EGF: variants seen among roughly 807,000 people sequenced by gnomAD.
EGF encodes epidermal growth factor.
A neutral mutation model predicts 143.8 loss-of-function variants in EGF; 95 were observed. The ratio of observed to expected loss-of-function variants is 0.66; its 90% CI spans 0.56 to 0.78. The LOEUF is 0.78. Ranked by LOEUF, EGF falls within the 30% of genes least tolerant of loss-of-function variation. The pLI, the probability that EGF is intolerant of heterozygous loss-of-function variation, is 0.00. For missense variants in EGF, 1,320 were observed against 1,470.9 expected (o/e 0.90, Z 1.68); for synonymous variants, 510 against 510.5 (o/e 1.00, Z 0.01).
intron 22 of EGF, among the ~76,000 whole-genome samples, chr4:110,006,648 G>A (rs572875868): frequency 7.9e-5 from 12 of 152,312 alleles, no homozygotes; most frequent in African/African-American, 2.9e-4. Flanking sequence ...TGAGTAGCAG[G>A]TTTAATTCAT....
intron 1 of EGF, among the ~76,000 whole-genome samples, chr4:109,923,625 T>C (rs1377786638): frequency 6.6e-6 from 1 of 151,466 alleles, no homozygotes; most frequent in Admixed American, 6.6e-5. Context: ...TAAAATTATT[T>C]TTATTATTTT....
chr4:109,938,690 A>G (rs1461562760), intron 1 of EGF, among the ~76,000 whole-genome samples: 1 of 152,058 alleles, frequency 6.6e-6, no homozygotes, highest in Non-Finnish European at 1.5e-5. Context: ...TGACCTACGG[A>G]TGGGGTTTTG....
intron 13 of EGF, among the ~76,000 whole-genome samples, chr4:109,978,782 T>C (rs1189600204): frequency 6.6e-6 from 1 of 152,232 alleles, no homozygotes; most frequent in Admixed American, 6.5e-5. Flanking sequence ...ATTCCCTTGC[T>C]GTACTTAAGG....
rs1291574403 is a variant in EGF, at chr4:109,943,331, A to G, written c.405A>G (p.Gln135=). Residue 135 remains glutamine, a synonymous_variant, in exon 3 of 24, where the codon CAA becomes CAG. Transcript: ENST00000265171. Reference sequence around the variant, plus strand: ...ATGAAGAAGTTATTTGGTCAAATCAACAGGAAGGAATCATTACAGTAACAG... The same window carrying G: ...ATGAAGAAGTTATTTGGTCAAATCAGCAGGAAGGAATCATTACAGTAACAG... ...WINEEVIWSN[Q]QEGIITVTDM... 1.2e-6 allele frequency: 2 copies of G among 1,612,188 alleles called. No homozygotes were observed. The highest frequency in any genetic ancestry group is 1.1e-5 in the South Asian group (1 of 90,566).
intron 22 of EGF, among the ~76,000 whole-genome samples, chr4:110,005,055 T>TC (rs1753091649): frequency 7.4e-6 from 1 of 135,042 alleles, no homozygotes; most frequent in Non-Finnish European, 1.5e-5. Context: ...TTTTTTTTTT[T>TC]TTTTTGGACA....
At position 109,980,931 on chromosome 4, in the gene EGF, A is replaced by G. The variant is rs767731807; in HGVS notation, c.2327A>G (p.Asp776Gly). ...SCREGFMKAS[D>G]GKTCLALDGH... ...CGTGAAGGTTTTATGAAAGCCTCAG[A>G]TGGGAAAACGTGTCTGGCTCTGGAT... Residue 776 changes from aspartate to glycine, a missense_variant, in exon 15 of 24, where the codon GAT becomes GGT. By Grantham distance (94) the Asp-to-Gly change is moderately conservative. Coordinates refer to ENST00000265171, the MANE Select transcript of EGF (RefSeq NM_001963.6). 2.0e-5 allele frequency: 32 copies of G among 1,614,016 alleles called. No homozygotes were observed. In the South Asian group the frequency reaches 3.4e-4, roughly 17 times the overall value.
intron 4 of EGF, among the ~76,000 whole-genome samples, chr4:109,944,418 G>T (rs138041902): frequency 6.6e-6 from 1 of 152,232 alleles, no homozygotes; most frequent in Admixed American, 6.5e-5. Context: ...CAGCCTGGGC[G>T]ACAGAGCGAG....
intron 1 of EGF, among the ~76,000 whole-genome samples, chr4:109,937,269 C>T (rs1242936584): frequency 6.6e-6 from 1 of 151,766 alleles, no homozygotes; most frequent in African/African-American, 2.4e-5. Flanking sequence ...CTGCATTGAT[C>T]CCTTTACCAT....
rs1228803562 is a variant in EGF at position 110,013,606 on chromosome 4, T to C, written c.*2151T>C. On this transcript the variant is annotated 3_prime_UTR_variant, in exon 24 of 24. Coordinates refer to ENST00000265171, the MANE Select transcript of EGF (RefSeq NM_001963.6). ...CAGCATTTTCATGTAAAAACTTGATTTGTGTTTTTTCCAGACTGAATACTT... is the reference window on the plus strand; with the variant it reads ...CAGCATTTTCATGTAAAAACTTGATCTGTGTTTTTTCCAGACTGAATACTT... 6.6e-6 allele frequency among the ~76,000 whole-genome samples: 1 copy of C among 152,154 alleles called. No individual in the cohort carries two copies. The highest frequency in any genetic ancestry group is 6.5e-5 in the Admixed American group (1 of 15,278).
Position 110,012,465 on chromosome 4 carries a change from C to T in EGF, c.*1010C>T, listed in dbSNP as rs1353813004. On this transcript the variant is annotated 3_prime_UTR_variant, in exon 24 of 24. Coordinates refer to ENST00000265171, the MANE Select transcript of EGF (RefSeq NM_001963.6). Reference sequence around the variant, plus strand: ...CATAGCTCAGTGCAGCCTCAAACTCCTGGGCTCAAGCAATCCTCCTGCCTC... The same window carrying T: ...CATAGCTCAGTGCAGCCTCAAACTCTTGGGCTCAAGCAATCCTCCTGCCTC... Among the ~76,000 whole-genome samples, 1 of 151,954 alleles carries T rather than the reference C, an allele frequency of 6.6e-6. No homozygotes were observed. The highest frequency in any genetic ancestry group is 1.9e-4 in the East Asian group (1 of 5,196).
At chr4:110,005,681 A>T (rs1753187616) in intron 22 of EGF, among the ~76,000 whole-genome samples, 1 of 152,204 alleles carries the variant, frequency 6.6e-6, no homozygotes, top group South Asian at 2.1e-4. Flanking sequence ...CACATTCTTG[A>T]ATCAGTTAAG....
At position 109,913,452 on chromosome 4, in the gene EGF, T is replaced by A. The variant is rs756159447; in HGVS notation, c.117T>A (p.Ser39=). 3.7e-6 allele frequency: 6 copies of A among 1,613,776 alleles called. No homozygotes were observed. The Admixed American group carries it at 1.0e-4, about 27-fold the overall frequency. ...GTACTCTCGCAGGAAATGGGAATTC[T>A]ACTTGTGTGGGTAAGTACTCCAATG... is the stretch of plus-strand genomic sequence containing the variant. ...PEGTLAGNGN[S]TCVGPAPFLI... is the part of the protein sequence containing the mutation. The change falls in exon 1 of 24, where the codon TCT becomes TCA. Residue 39 remains serine (S), a synonymous_variant. Transcript: ENST00000265171.
At chr4:109,926,350 CTTT>C (rs60679717) in intron 1 of EGF, among the ~76,000 whole-genome samples, 5 of 124,476 alleles carry the variant, frequency 4.0e-5, no homozygotes, top group Admixed American at 8.2e-5. Context: ...GAGACACTGT[CTTT>C]TTTTTTTTTT....
chr4:110,003,707 C>T (rs1474432724), intron 21 of EGF, among the ~76,000 whole-genome samples: 1 of 151,488 alleles, frequency 6.6e-6, no homozygotes, highest in African/African-American at 2.4e-5. Context: ...CCACCCCCAC[C>T]CCTAGTGAAT....
intron 18 of EGF, among the ~76,000 whole-genome samples, chr4:109,992,728 A>G (rs1751156094): frequency 6.6e-6 from 1 of 152,164 alleles, no homozygotes; most frequent in African/African-American, 2.4e-5. Context: ...CTGGATTAAG[A>G]AAATGTGGCA....
chr4:109,988,369 T>C (rs1750451417), intron 17 of EGF, among the ~76,000 whole-genome samples: 1 of 152,184 alleles, frequency 6.6e-6, no homozygotes, highest in African/African-American at 2.4e-5. Context: ...TATTTACATA[T>C]TTGCCTAATC....
chr4:109,946,989 C>T (rs1742974493), intron 5 of EGF, among the ~76,000 whole-genome samples: 2 of 152,104 alleles, frequency 1.3e-5, no homozygotes. Flanking sequence ...CATGGTGGCG[C>T]ATGTCTGTAG....
At position 110,008,236 on chromosome 4, in the gene EGF, T is replaced by C. The variant is rs1261933340; in HGVS notation, c.3370+6T>C. The C allele has an allele frequency of 6.2e-7, 1 of 1,613,756 alleles. No individual in the cohort carries two copies. The highest frequency in any genetic ancestry group is 2.2e-5 in the East Asian group (1 of 44,886). On this transcript the variant is annotated splice_donor_region_variant and intron_variant, in intron 23 of 23. Coordinates refer to ENST00000265171, the MANE Select transcript of EGF (RefSeq NM_001963.6). ...GGATGGCCAGGCAGCAGATGGTCAG[T>C]TTTTATCCCTGGCTCCTGGTGAATG...
At chr4:109,927,597 G>A (rs1014412952) in intron 1 of EGF, among the ~76,000 whole-genome samples, 1 of 151,776 alleles carries the variant, frequency 6.6e-6, no homozygotes, top group African/African-American at 2.4e-5. Flanking sequence ...GGTGGCGGGC[G>A]CTTGTGGTCC....
Sources: allele counts gnomAD v4.1 joint callset (sites outside exome capture counted in the v4.1 genomes callset), GRCh38; gene constraint gnomAD v4.1.1; transcripts MANE v1.5; gene names NCBI Gene and HGNC (gene_info 2026-07-23, HGNC 2026-07-21).